The following HERC1 variants were observed in gnomAD, a reference collection of about 807,000 sequenced individuals.
HERC1 encodes the protein HECT and RLD domain containing E3 ubiquitin protein ligase family member 1, also known as probable E3 ubiquitin-protein ligase HERC1.
A neutral mutation model predicts 554.3 loss-of-function variants in HERC1; 160 were observed. The ratio of observed to expected loss-of-function variants is 0.29; its 90% CI spans 0.25 to 0.33. The LOEUF is 0.33. Ranked by LOEUF, HERC1 falls within the 10% of genes least tolerant of loss-of-function variation. The pLI is 1.00. For missense variants in HERC1, 4,919 were observed against 5,918.5 expected (o/e 0.83, Z 5.54); for synonymous variants, 2,175 against 2,131.7 (o/e 1.02, Z -0.56).
intron 74 of HERC1, among the ~76,000 whole-genome samples, chr15:63,622,203 G>A (rs1448687105): frequency 6.6e-6 from 1 of 152,100 alleles, no homozygotes; most frequent in Non-Finnish European, 1.5e-5. Flanking sequence ...ATTATGGGGA[G>A]GCCATGTGGG....
At chr15:63,649,649 A>G in intron 54 of HERC1, 76 bp downstream of exon 54, 1 of 1,209,792 alleles carries the variant, frequency 8.3e-7, no homozygotes, top group African/African-American at 1.5e-5. Context: ...GGTATTTTTA[A>G]AAGCAAATGC....
Position 63,797,785 on chromosome 15 carries a change from A to G in HERC1, c.-26-22136T>C, listed in dbSNP as rs144117980. Among the ~76,000 whole-genome samples the G allele has an allele frequency of 2.5e-4, 38 of 152,392 alleles. No homozygotes were observed. The East Asian group carries it at 4.8e-3, about 19-fold the overall frequency. Reference sequence around the variant, plus strand: ...CAGGAGATTACAAAATGTTTACTGTATACCTATGAGATTTCAGAACTTCAA... The same window carrying G: ...CAGGAGATTACAAAATGTTTACTGTGTACCTATGAGATTTCAGAACTTCAA... On this transcript the variant is annotated intron_variant, in intron 1 of 77. Transcript: ENST00000443617.
chr15:63,713,767 G>A lies in HERC1; in HGVS notation c.4151-102C>T, dbSNP rs2073416008. 4 of 982,360 alleles carry A rather than the reference G, an allele frequency of 4.1e-6. No homozygotes were observed. In the Admixed American group the frequency reaches 1.1e-4, roughly 28 times the overall value. The allele number at this position is 982,360 out of a possible 1,614,324, so 60.9% of individuals were successfully genotyped here. A position where few individuals can be genotyped will look rare whatever the true frequency, so the allele number is the denominator to read the frequency against. On this transcript the variant is annotated intron_variant, in intron 22 of 77. Transcript: ENST00000443617. ...AAAAAGTTTGGACCAAAAACTTACT[G>A]AAAGAGGGAAAAATTATTTTTTAGA...
chr15:63,791,042 C>T (rs1317986422), intron 1 of HERC1, among the ~76,000 whole-genome samples: 1 of 152,134 alleles, frequency 6.6e-6, no homozygotes. Flanking sequence ...TATCACGCTT[C>T]TAACTAAAAC....
chr15:63,709,903 G>C (rs1472993227), intron 24 of HERC1, among the ~76,000 whole-genome samples: 1 of 152,200 alleles, frequency 6.6e-6, no homozygotes. Context: ...GGGAGAGTAA[G>C]GTAGCTGGGA....
intron 25 of HERC1, among the ~76,000 whole-genome samples, chr15:63,702,978 C>A (rs1483969067): frequency 2.6e-5 from 4 of 152,068 alleles, no homozygotes; most frequent in African/African-American, 9.7e-5. Flanking sequence ...GCAGCACATG[C>A]CTATAATCCC....
chr15:63,763,007 A>C (rs564623790), intron 3 of HERC1, among the ~76,000 whole-genome samples: 1 of 152,056 alleles, frequency 6.6e-6, no homozygotes, highest in East Asian at 1.9e-4. Flanking sequence ...TGCCCTTTTG[A>C]CCTCCACATT....
chr15:63,662,094 T>C, intron 44 of HERC1, 73 bp from the exon 45 acceptor site: 1 of 1,368,172 alleles, frequency 7.3e-7, no homozygotes, highest in Non-Finnish European at 9.9e-7. Context: ...GTAGATTATT[T>C]ATATTAAATT....
intron 57 of HERC1, 121 bp from the exon 58 acceptor site, chr15:63,643,671 T>TA: frequency 4.6e-6 from 3 of 647,688 alleles, no homozygotes; most frequent in Non-Finnish European, 7.6e-6. Flanking sequence ...GAGAGATAAT[T>TA]TCTCTCATAA....
intron 55 of HERC1, among the ~76,000 whole-genome samples, chr15:63,646,785 G>A (rs1326840332): frequency 6.6e-6 from 1 of 151,674 alleles, no homozygotes; most frequent in Non-Finnish European, 1.5e-5. Context: ...TCCAGGCTGG[G>A]TGACAGAGCA....
intron 1 of HERC1, among the ~76,000 whole-genome samples, chr15:63,797,111 T>C (rs1161250108): frequency 6.6e-6 from 1 of 152,146 alleles, no homozygotes; most frequent in African/African-American, 2.4e-5. Context: ...TTCAGAGAAA[T>C]TTATAGTTTG....
At position 63,666,154 on chromosome 15, in the gene HERC1, T is replaced by A. The variant is rs202206215; in HGVS notation, c.8324-4A>T. 3.1e-6 allele frequency: 5 copies of A among 1,602,278 alleles called. No homozygotes were observed. The highest frequency in any genetic ancestry group is 4.3e-6 in the Non-Finnish European group (5 of 1,173,084). ...GCATCAGCCTCTCCCCTAGCACCTATACAGGGGAAAAACAGTCTGATGCTG... is the reference window on the plus strand; with the variant it reads ...GCATCAGCCTCTCCCCTAGCACCTAAACAGGGGAAAAACAGTCTGATGCTG... On this transcript the variant is annotated splice_region_variant and splice_polypyrimidine_tract_variant and intron_variant, in intron 41 of 77. Transcript: ENST00000443617.
chr15:63,737,346 T>A (rs1045819347), intron 12 of HERC1, among the ~76,000 whole-genome samples: 2 of 143,234 alleles, frequency 1.4e-5, no homozygotes, highest in African/African-American at 2.6e-5. Context: ...ACAAAACACT[T>A]CCAGATATAT....
At chr15:63,621,610 C>T (rs1595835461) in intron 74 of HERC1, among the ~76,000 whole-genome samples, 1 of 144,468 alleles carries the variant, frequency 6.9e-6, no homozygotes, top group East Asian at 1.9e-4. Context: ...GTTCCATTCT[C>T]CCACTTTCAG....
intron 1 of HERC1, among the ~76,000 whole-genome samples, chr15:63,832,272 T>C (rs2078183274): frequency 6.6e-6 from 1 of 151,052 alleles, no homozygotes; most frequent in Non-Finnish European, 1.5e-5. Flanking sequence ...GCAGAATACG[T>C]GTGTGTGTGT....
At chr15:63,701,469 C>T (rs925970893) in intron 25 of HERC1, among the ~76,000 whole-genome samples, 2 of 152,160 alleles carry the variant, frequency 1.3e-5, no homozygotes, top group African/African-American at 4.8e-5. Context: ...AAGGGCCAGA[C>T]AGTAAATATT....
chr15:63,722,985 G>A (rs561374556), intron 19 of HERC1, among the ~76,000 whole-genome samples, 197 bp downstream of exon 19: 115 of 151,496 alleles, frequency 7.6e-4, no homozygotes, highest in African/African-American at 2.7e-3. Context: ...AGGTTTAAGT[G>A]GAATACATGT....
At chr15:63,725,192 T>C (rs1004730170) in intron 18 of HERC1, 100 bp downstream of exon 18, 2 of 1,003,404 alleles carry the variant, frequency 2.0e-6, no homozygotes, top group African/African-American at 1.6e-5. Flanking sequence ...ATGTTGCAAT[T>C]GGTGCCTGTC....
chr15:63,785,368 T>A (rs758847999), intron 1 of HERC1, among the ~76,000 whole-genome samples: 3 of 152,088 alleles, frequency 2.0e-5, no homozygotes, highest in Admixed American at 6.5e-5. Context: ...CTGTGAGCTA[T>A]AAGTGCACCA....
Sources: allele counts gnomAD v4.1 joint callset (sites outside exome capture counted in the v4.1 genomes callset), GRCh38; gene constraint gnomAD v4.1.1; transcripts MANE v1.5; gene names NCBI Gene and HGNC (gene_info 2026-07-23, HGNC 2026-07-21).